Variants in RANBP2 observed in about 807,000 individuals in gnomAD.
The protein encoded by RANBP2 is RAN binding protein 2, also known as E3 SUMO-protein ligase RanBP2.
Under a neutral mutation model 303.6 loss-of-function variants are expected in RANBP2, and 57 were observed. The observed-to-expected ratio is 0.19, with a 90% CI of 0.15 to 0.23. RANBP2 has a LOEUF of 0.23. Among genes scored for constraint, RANBP2 ranks in the 10% least tolerant of loss-of-function variants. The pLI, the probability that RANBP2 is intolerant of heterozygous loss-of-function variation, is 1.00. For missense variants in RANBP2, 3,138 were observed against 3,780.8 expected, an observed-to-expected ratio of 0.83 and a Z score of 4.46; for synonymous variants, 1,167 against 1,301.5, an observed-to-expected ratio of 0.90 and a Z score of 2.23.
At chr2:109,114,108 T>C in the RANBP2 span, among the ~76,000 whole-genome samples, 1 of 152,182 alleles carries the variant, frequency 6.6e-6, no homozygotes, top group Non-Finnish European at 1.5e-5. Context: ...TTTTTGGTTG[T>C]GTCTCTGCCC....
At chr2:109,360,956 T>C in the RANBP2 span, among the ~76,000 whole-genome samples, 2 of 152,348 alleles carry the variant, frequency 1.3e-5, no homozygotes, top group South Asian at 4.1e-4. Flanking sequence ...AGGTGAACTG[T>C]AGGTTATTTG....
the RANBP2 span, among the ~76,000 whole-genome samples, chr2:109,482,397 A>G: frequency 6.6e-6 from 1 of 152,194 alleles, no homozygotes; most frequent in African/African-American, 2.4e-5. Flanking sequence ...AATACCAGGG[A>G]CACCCAGCTC....
chr2:109,681,065 T>G, the RANBP2 span, among the ~76,000 whole-genome samples: 1 of 152,366 alleles, frequency 6.6e-6, no homozygotes, highest in East Asian at 1.9e-4. Flanking sequence ...GCAGAACTTG[T>G]ATCCCCACAA....
At chr2:109,419,049 G>T in the RANBP2 span, among the ~76,000 whole-genome samples, 1 of 152,098 alleles carries the variant, frequency 6.6e-6, no homozygotes, top group Non-Finnish European at 1.5e-5. Flanking sequence ...CTTGGGGGGA[G>T]GGGGGCACCC....
At chr2:109,730,235 T>C in the RANBP2 span, among the ~76,000 whole-genome samples, 6 of 152,206 alleles carry the variant, frequency 3.9e-5, no homozygotes, top group Non-Finnish European at 7.3e-5. Context: ...AGACACCTTA[T>C]TGTCCATCAC....
chr2:109,438,612 C>T, the RANBP2 span, among the ~76,000 whole-genome samples: 1 of 152,186 alleles, frequency 6.6e-6, no homozygotes, highest in South Asian at 2.1e-4. Context: ...GGCTCCAGGG[C>T]CCTGGGAAAG....
At chr2:108,942,068 T>C in the RANBP2 span, among the ~76,000 whole-genome samples, 13 of 152,268 alleles carry the variant, frequency 8.5e-5, no homozygotes, top group African/African-American at 3.1e-4. Flanking sequence ...CCGGAACCTG[T>C]GTTTGGAAGT....
At chr2:108,760,244 G>A (rs1676632652) in intron 18 of RANBP2, among the ~76,000 whole-genome samples, 1 of 152,168 alleles carries the variant, frequency 6.6e-6, no homozygotes, top group Non-Finnish European at 1.5e-5. Context: ...TCCTATATTT[G>A]AGAGCATTTC....
chr2:109,044,506 G>A, the RANBP2 span, among the ~76,000 whole-genome samples: 1 of 152,078 alleles, frequency 6.6e-6, no homozygotes, highest in Non-Finnish European at 1.5e-5. Flanking sequence ...CTGGACGATA[G>A]AGCGAGACTC....
the RANBP2 span, among the ~76,000 whole-genome samples, chr2:108,891,149 T>G: frequency 0.032 from 4,936 of 152,300 alleles, 262 homozygotes; most frequent in African/African-American, 0.11. Flanking sequence ...TTCAAATTTT[T>G]TATCTGGGAT....
chr2:109,009,220 G>T, the RANBP2 span, among the ~76,000 whole-genome samples: 25 of 151,988 alleles, frequency 1.6e-4, 1 homozygote, highest in South Asian at 5.0e-3. Flanking sequence ...GGTGCCTGTA[G>T]TCCCAGTTAC....
the RANBP2 span, chr2:108,813,025 G>A: frequency 3.9e-5 from 34 of 878,452 alleles, no homozygotes; most frequent in African/African-American, 6.8e-5. Flanking sequence ...TGAGATGGGC[G>A]GATCACGATG....
At chr2:109,106,815 T>C in the RANBP2 span, among the ~76,000 whole-genome samples, 2 of 151,600 alleles carry the variant, frequency 1.3e-5, no homozygotes, top group Admixed American at 6.6e-5. Flanking sequence ...CCATTCTGGG[T>C]GACAGAGCAA....
the RANBP2 span, among the ~76,000 whole-genome samples, chr2:108,968,145 C>T: frequency 1.3e-5 from 2 of 152,184 alleles, no homozygotes; most frequent in African/African-American, 2.4e-5. Context: ...GGGAAGGCGC[C>T]GTCATTGTTC....
At chr2:108,807,090 G>C in the RANBP2 span, among the ~76,000 whole-genome samples, 1 of 152,080 alleles carries the variant, frequency 6.6e-6, no homozygotes, top group Non-Finnish European at 1.5e-5. Flanking sequence ...AAATTAATAA[G>C]CATGTCAAAA....
the RANBP2 span, among the ~76,000 whole-genome samples, chr2:109,509,473 G>A: frequency 1.1e-4 from 16 of 152,054 alleles, no homozygotes; most frequent in East Asian, 1.9e-4. Flanking sequence ...GCACACCGCC[G>A]TCTCCTCACT....
At chr2:108,951,887 G>A in the RANBP2 span, among the ~76,000 whole-genome samples, 1 of 152,180 alleles carries the variant, frequency 6.6e-6, no homozygotes, top group African/African-American at 2.4e-5. Flanking sequence ...AAGGTCTCTT[G>A]AGGTATTGAA....
chr2:108,910,590 G>A, the RANBP2 span: 12 of 1,484,358 alleles, frequency 8.1e-6, no homozygotes, highest in Admixed American at 1.6e-4. Context: ...ATGGCTCTGC[G>A]CTCAGCCCAA....
chr2:109,729,908 C>A, the RANBP2 span, among the ~76,000 whole-genome samples: 1 of 152,150 alleles, frequency 6.6e-6, no homozygotes, highest in Non-Finnish European at 1.5e-5. Context: ...AAAGGGGAAG[C>A]AGGCACCTTC....
Sources: gnomAD v4.1 joint callset for allele counts (sites outside exome capture counted in the v4.1 genomes callset) on GRCh38, gnomAD v4.1.1 for gene constraint, MANE v1.5 for transcripts, NCBI Gene and HGNC (gene_info 2026-07-23, HGNC 2026-07-21) for gene names.